SSBP2: variants seen among roughly 807,000 people sequenced by gnomAD.
SSBP2 encodes the protein single stranded DNA binding protein 2.
SSBP2 carries 17 observed loss-of-function variants against 61.8 expected under a neutral mutation model. That is an observed-to-expected ratio of 0.28 (90% CI 0.19 to 0.41). The LOEUF is 0.41. Among genes scored for constraint, SSBP2 ranks in the 10% least tolerant of loss-of-function variants. The pLI is 1.00. For missense variants in SSBP2, 310 were observed against 458.7 expected, an observed-to-expected ratio of 0.68 and a Z score of 2.96; for synonymous variants, 139 against 141.3, an observed-to-expected ratio of 0.98 and a Z score of 0.12.
intron 1 of SSBP2, among the ~76,000 whole-genome samples, chr5:81,728,540 T>C (rs894586181): frequency 6.6e-6 from 1 of 152,230 alleles, no homozygotes; most frequent in Non-Finnish European, 1.5e-5. Context: ...GCAAGCCACT[T>C]AATGCCTTGA....
chr5:81,737,345 T>C lies in SSBP2; in HGVS notation c.62+13636A>G, dbSNP rs529385763. ...TCCCCTTCCAGTTAAGTCTTCTCTC[T>C]ATGCTTCCTTTCTCCAGTGAAGGCT... On this transcript the variant is annotated intron_variant, in intron 1 of 16. Coordinates refer to ENST00000320672, the MANE Select transcript of SSBP2 (RefSeq NM_012446.5). 2.0e-3 allele frequency among the ~76,000 whole-genome samples: 304 copies of C among 151,602 alleles called. 2 individuals carry two copies. Among genetic ancestry groups the C allele is most frequent in the African/African-American group, 6.9e-3 (284 of 41,272 alleles).
At chr5:81,505,918 T>C (rs569568219) in intron 5 of SSBP2, among the ~76,000 whole-genome samples, 1 of 152,290 alleles carries the variant, frequency 6.6e-6, no homozygotes, top group African/African-American at 2.4e-5. Flanking sequence ...TGATTCTAAC[T>C]GGAAAACCCA....
chr5:81,555,213 AAAAAT>A, intron 4 of SSBP2, among the ~76,000 whole-genome samples: 1 of 152,252 alleles, frequency 6.6e-6, no homozygotes, highest in Non-Finnish European at 1.5e-5. Context: ...TTTTCTAATT[AAAAAT>A]AAATCACTAA....
At chr5:81,548,099 CTT>C (rs1771881685) in intron 4 of SSBP2, among the ~76,000 whole-genome samples, 1 of 152,142 alleles carries the variant, frequency 6.6e-6, no homozygotes, top group Admixed American at 6.5e-5. Context: ...TTCTCTGAGC[CTT>C]CAGTGAGTCA....
chr5:81,594,632 A>G (rs1350396918), intron 4 of SSBP2, among the ~76,000 whole-genome samples: 1 of 152,226 alleles, frequency 6.6e-6, no homozygotes, highest in Non-Finnish European at 1.5e-5. Context: ...CAGAAACTAT[A>G]ACAAACTGTC....
chr5:81,483,509 T>C (rs894269316), intron 6 of SSBP2, among the ~76,000 whole-genome samples: 14 of 152,096 alleles, frequency 9.2e-5, no homozygotes, highest in African/African-American at 3.4e-4. Context: ...ATATCAGAAC[T>C]AGAAGAGCCT....
At chr5:81,634,805 T>C (rs1376893199) in intron 3 of SSBP2, among the ~76,000 whole-genome samples, 1 of 152,240 alleles carries the variant, frequency 6.6e-6, no homozygotes, top group African/African-American at 2.4e-5. Flanking sequence ...CCCCCTTCTC[T>C]ATCTCTCCAT....
intron 1 of SSBP2, among the ~76,000 whole-genome samples, chr5:81,721,755 T>C (rs1755555235): frequency 1.3e-5 from 2 of 152,114 alleles, no homozygotes; most frequent in Non-Finnish European, 2.9e-5. Flanking sequence ...ATCACAGACA[T>C]GACATTTAGT....
intron 1 of SSBP2, among the ~76,000 whole-genome samples, chr5:81,738,962 C>T (rs868661153): frequency 5.3e-5 from 8 of 151,820 alleles, no homozygotes; most frequent in South Asian, 2.1e-4. Context: ...GTCAGGAGTT[C>T]GAGACCAGCC....
chr5:81,490,006 G>A (rs915116486), intron 5 of SSBP2, among the ~76,000 whole-genome samples: 2 of 149,836 alleles, frequency 1.3e-5, no homozygotes, highest in African/African-American at 4.9e-5. Flanking sequence ...TCCAGGCTGG[G>A]CAACACAGTA....
At chr5:81,745,395 A>C (rs1757292727) in intron 1 of SSBP2, among the ~76,000 whole-genome samples, 1 of 152,164 alleles carries the variant, frequency 6.6e-6, no homozygotes, top group African/African-American at 2.4e-5. Flanking sequence ...TGTAAAATAC[A>C]CAAAGTTTGA....
chr5:81,591,065 C>A (rs1775464133), intron 4 of SSBP2, among the ~76,000 whole-genome samples: 1 of 152,162 alleles, frequency 6.6e-6, no homozygotes, highest in African/African-American at 2.4e-5. Context: ...CAGCTTCAGA[C>A]AGAGGGGCAA....
chr5:81,462,501 A>C (rs1472489873), intron 9 of SSBP2, among the ~76,000 whole-genome samples: 1 of 152,214 alleles, frequency 6.6e-6, no homozygotes, highest in African/African-American at 2.4e-5. Context: ...AGAAGATACC[A>C]GTGGGGACTT....
intron 1 of SSBP2, among the ~76,000 whole-genome samples, chr5:81,747,622 T>G (rs1757441539): frequency 6.6e-6 from 1 of 152,156 alleles, no homozygotes; most frequent in African/African-American, 2.4e-5. Flanking sequence ...AAAAAAAATT[T>G]TTTTACATTG....
At chr5:81,496,269 T>A (rs1249091292) in intron 5 of SSBP2, among the ~76,000 whole-genome samples, 1 of 152,116 alleles carries the variant, frequency 6.6e-6, no homozygotes, top group Non-Finnish European at 1.5e-5. Flanking sequence ...AACCTCCGCC[T>A]CCTGAGTTCA....
At chr5:81,531,224 G>A (rs1283795056) in intron 4 of SSBP2, among the ~76,000 whole-genome samples, 3 of 124,636 alleles carry the variant, frequency 2.4e-5, no homozygotes, top group Non-Finnish European at 4.8e-5. Flanking sequence ...GTAAGACCCT[G>A]TCTGGAAAAA....
chr5:81,734,485 CAAG>C (rs1345767924), intron 1 of SSBP2, among the ~76,000 whole-genome samples: 2 of 152,094 alleles, frequency 1.3e-5, no homozygotes, highest in Non-Finnish European at 2.9e-5. Context: ...GCAAAACAGA[CAAG>C]AAGTATATAT....
At chr5:81,659,959 C>T (rs966285309) in intron 1 of SSBP2, among the ~76,000 whole-genome samples, 2 of 152,016 alleles carry the variant, frequency 1.3e-5, no homozygotes, top group Non-Finnish European at 2.9e-5. Flanking sequence ...GAAAAATTGG[C>T]TAGCCATATG....
At chr5:81,520,403 A>G (rs1175722125) in intron 4 of SSBP2, among the ~76,000 whole-genome samples, 1 of 152,190 alleles carries the variant, frequency 6.6e-6, no homozygotes, top group Admixed American at 6.5e-5. Flanking sequence ...TAAGCCATCT[A>G]ATGATTATAA....
Sources: gnomAD v4.1 joint callset for allele counts (sites outside exome capture counted in the v4.1 genomes callset) on GRCh38, gnomAD v4.1.1 for gene constraint, MANE v1.5 for transcripts, NCBI Gene and HGNC (gene_info 2026-07-23, HGNC 2026-07-21) for gene names.